SCG5: variants seen among roughly 807,000 people sequenced by gnomAD.
SCG5 encodes secretogranin V, also known as neuroendocrine protein 7B2.
In SCG5, 18 loss-of-function variants were observed where a neutral mutation model predicts 25.7. The ratio of observed to expected loss-of-function variants is 0.70; its 90% confidence interval spans 0.48 to 1.04. SCG5 has a LOEUF of 1.04. Ranked by LOEUF, SCG5 falls within the 50% of genes least tolerant of loss-of-function variation. The probability of loss-of-function intolerance (pLI) is 0.00; values close to 1 mark genes in which losing one functional copy is unlikely to be tolerated. For synonymous variants in SCG5, 101 were observed against 91.7 expected (o/e 1.10, Z -0.58); for missense variants, 206 against 259.8 (o/e 0.79, Z 1.42).
chr15:32,672,074 G>A (rs2140552153), intron 2 of SCG5, among the ~76,000 whole-genome samples: 1 of 152,382 alleles, frequency 6.6e-6, no homozygotes, highest in East Asian at 1.9e-4. Flanking sequence ...AAACTGGTCC[G>A]TCGCTTTCTG....
At chr15:32,675,445 A>T (rs115071669) in intron 2 of SCG5, among the ~76,000 whole-genome samples, 1 of 152,220 alleles carries the variant, frequency 6.6e-6, no homozygotes, top group East Asian at 1.9e-4. Context: ...ATTTCTCTCC[A>T]ACCTAGCTTT....
chr15:32,662,757 A>G (rs2054241133), intron 2 of SCG5, among the ~76,000 whole-genome samples: 1 of 151,980 alleles, frequency 6.6e-6, no homozygotes, highest in Non-Finnish European at 1.5e-5. Context: ...GAATGGCGAG[A>G]GAGGAGGTAG....
intron 4 of SCG5, among the ~76,000 whole-genome samples, chr15:32,688,589 G>T (rs1250906255): frequency 6.6e-6 from 1 of 152,162 alleles, no homozygotes; most frequent in East Asian, 1.9e-4. Flanking sequence ...TGATGTCAGG[G>T]AAGTTTGTCT....
intron 2 of SCG5, among the ~76,000 whole-genome samples, chr15:32,671,448 T>C (rs892862093): frequency 1.3e-5 from 2 of 152,134 alleles, no homozygotes; most frequent in African/African-American, 4.8e-5. Context: ...TCCACCCTCA[T>C]GTTGGCCATT....
chr15:32,676,188 C>G (rs1215481376), intron 2 of SCG5, among the ~76,000 whole-genome samples: 1 of 152,140 alleles, frequency 6.6e-6, no homozygotes, highest in Non-Finnish European at 1.5e-5. Context: ...CAGTTCCTAC[C>G]TCAGTGAGTG....
At chr15:32,685,244 T>A (rs779837550) in intron 4 of SCG5, among the ~76,000 whole-genome samples, 1 of 152,214 alleles carries the variant, frequency 6.6e-6, no homozygotes, top group Non-Finnish European at 1.5e-5. Flanking sequence ...GAAAGATAAA[T>A]CATGACCATT....
chr15:32,647,827 T>C (rs2053968005), intron 2 of SCG5, among the ~76,000 whole-genome samples: 1 of 152,206 alleles, frequency 6.6e-6, no homozygotes, highest in African/African-American at 2.4e-5. Flanking sequence ...TTCCTTTTTT[T>C]CTTTACCCAT....
chr15:32,671,907 C>G (rs569775844), intron 2 of SCG5, among the ~76,000 whole-genome samples: 1 of 152,164 alleles, frequency 6.6e-6, no homozygotes, highest in Non-Finnish European at 1.5e-5. Context: ...GCCTGGGGAG[C>G]CTTGCCGCCT....
intron 2 of SCG5, among the ~76,000 whole-genome samples, chr15:32,645,843 CAG>C (rs1392304437): frequency 6.6e-6 from 1 of 152,196 alleles, no homozygotes; most frequent in East Asian, 1.9e-4. Context: ...CTTTTTGAGA[CAG>C]AGTCTCACTC....
rs115092570 is a variant in SCG5 at position 32,675,538 on chromosome 15, C to A, written c.227-4228C>A. ...TGGGAATATATCTTATTATGTACTA[C>A]TGGCTTATTGTGTTAGTCATGGGTA... On this transcript the variant is annotated intron_variant, in intron 2 of 5. Coordinates refer to ENST00000300175, the MANE Select transcript of SCG5 (RefSeq NM_001144757.3). 4.5e-3 allele frequency among the ~76,000 whole-genome samples: 682 copies of A among 152,344 alleles called. 8 individuals are homozygous for A. The highest frequency in any genetic ancestry group is 0.016 in the African/African-American group (647 of 41,572).
At chr15:32,659,764 G>A (rs953321686) in intron 2 of SCG5, among the ~76,000 whole-genome samples, 3 of 152,194 alleles carry the variant, frequency 2.0e-5, no homozygotes, top group Admixed American at 6.5e-5. Flanking sequence ...TTCCTCTGGA[G>A]CAGCAGGAAT....
intron 2 of SCG5, among the ~76,000 whole-genome samples, chr15:32,678,054 A>G (rs1338295120): frequency 6.6e-6 from 1 of 152,246 alleles, no homozygotes; most frequent in African/African-American, 2.4e-5. Context: ...ACTGTTTGAC[A>G]TACACTGAAA....
In SCG5 at chr15:32,643,585, G is replaced by A. The variant is rs753564941; in HGVS notation, c.-7-1G>A. On this transcript the variant is annotated splice_acceptor_variant, in intron 1 of 5. Transcript: ENST00000300175. LOFTEE classifies it low-confidence loss of function (5UTR_SPLICE). ...GTATACATTTGGTCTTTTATCTGCA[G>A]GTTGACAATGGTCTCCAGGATGGTC... is the stretch of plus-strand genomic sequence containing the variant. The A allele has an allele frequency of 4.3e-6, 7 of 1,610,214 alleles. No individual in the cohort carries two copies. Among genetic ancestry groups the A allele is most frequent in the Non-Finnish European group, 5.9e-6 (7 of 1,176,518 alleles).
chr15:32,688,162 T>C (rs1009289136), intron 4 of SCG5, among the ~76,000 whole-genome samples: 6 of 152,140 alleles, frequency 3.9e-5, no homozygotes, highest in Non-Finnish European at 5.9e-5. Flanking sequence ...GCTCCTAACC[T>C]GTCCTGTGTG....
At chr15:32,688,134 A>G (rs945764789) in intron 4 of SCG5, among the ~76,000 whole-genome samples, 1 of 152,208 alleles carries the variant, frequency 6.6e-6, no homozygotes, top group Middle Eastern at 3.4e-3. Context: ...TACATTCCCT[A>G]TCTTTTCATG....
chr15:32,680,326 C>G (rs6494581), intron 3 of SCG5, among the ~76,000 whole-genome samples: 141,150 of 151,700 alleles, frequency 0.93, 65,983 homozygotes, highest in East Asian at 0.99. Flanking sequence ...CTCCCGAGTA[C>G]CTGGGACTAC....
intron 4 of SCG5, among the ~76,000 whole-genome samples, chr15:32,691,035 A>G (rs1364944391): frequency 6.6e-6 from 1 of 151,984 alleles, no homozygotes; most frequent in Non-Finnish European, 1.5e-5. Flanking sequence ...CTGATATTCT[A>G]GAGCTCATTG....
intron 4 of SCG5, among the ~76,000 whole-genome samples, chr15:32,691,481 A>G (rs1031074940): frequency 1.3e-5 from 2 of 152,212 alleles, no homozygotes; most frequent in Non-Finnish European, 2.9e-5. Context: ...TGTTGATGAC[A>G]CTGGTGTGCC....
At chr15:32,663,286 A>C (rs2054269264) in intron 2 of SCG5, among the ~76,000 whole-genome samples, 1 of 151,790 alleles carries the variant, frequency 6.6e-6, no homozygotes, top group Non-Finnish European at 1.5e-5. Flanking sequence ...CATTCCCCTT[A>C]GCCATTCCCC....
Sources: allele counts gnomAD v4.1 joint callset (sites outside exome capture counted in the v4.1 genomes callset), GRCh38; gene constraint gnomAD v4.1.1; transcripts MANE v1.5; gene names NCBI Gene and HGNC (gene_info 2026-07-23, HGNC 2026-07-21).